Variants in SH3KBP1 observed in about 807,000 individuals in gnomAD.
The protein encoded by SH3KBP1 is SH3 domain-containing kinase-binding protein 1.
In SH3KBP1, 8 loss-of-function variants were observed where a neutral mutation model predicts 50.1. The observed-to-expected ratio is 0.16, with a 90% CI of 0.09 to 0.29. The LOEUF (loss-of-function observed/expected upper bound fraction) is 0.29, where lower values mean the gene tolerates loss of function less well. SH3KBP1 is among the 10% of genes least tolerant of loss of function. SH3KBP1 has a pLI of 1.00. For synonymous variants in SH3KBP1, 227 were observed against 218.6 expected, an observed-to-expected ratio of 1.04 and a Z score of -0.34; for missense variants, 377 against 535.2, an observed-to-expected ratio of 0.70 and a Z score of 2.92.
intron 3 of SH3KBP1, among the ~76,000 whole-genome samples, chrX:19,712,207 AAAG>A (rs1179277273): frequency 8.9e-6 from 1 of 112,394 alleles, no homozygotes; most frequent in Non-Finnish European, 1.9e-5. Flanking sequence ...AGCCTACGGC[AAAG>A]AAGATACAAA....
chrX:19,586,681 C>G (rs1350178873), intron 12 of SH3KBP1, among the ~76,000 whole-genome samples: 1 of 111,428 alleles, frequency 9.0e-6, no homozygotes, highest in Non-Finnish European at 1.9e-5. Context: ...AATTGTTGGA[C>G]TGGACCTTGG....
At chrX:19,772,441 A>G (rs1480175180) in intron 2 of SH3KBP1, among the ~76,000 whole-genome samples, 1 of 111,462 alleles carries the variant, frequency 9.0e-6, no homozygotes, top group Non-Finnish European at 1.9e-5. Context: ...GCAATCAGAA[A>G]AAAATAAGGC....
At chrX:19,738,455 C>T (rs1023513286) in intron 3 of SH3KBP1, among the ~76,000 whole-genome samples, 10 of 109,939 alleles carry the variant, frequency 9.1e-5, no homozygotes, top group Non-Finnish European at 1.9e-4. Flanking sequence ...CTCATACAAA[C>T]GTGGGCACAC....
chrX:19,676,388 C>T (rs1040653412), intron 6 of SH3KBP1, among the ~76,000 whole-genome samples: 3 of 110,866 alleles, frequency 2.7e-5, no homozygotes, highest in South Asian at 3.8e-4. Flanking sequence ...ATGGTTAATG[C>T]GTACATAAAA....
At chrX:19,651,353 A>C (rs995347853) in intron 6 of SH3KBP1, among the ~76,000 whole-genome samples, 2 of 111,321 alleles carry the variant, frequency 1.8e-5, no homozygotes, top group Non-Finnish European at 3.8e-5. Flanking sequence ...ATACAACGCA[A>C]AATTCTAAAA....
chrX:19,567,518 C>CAAAAAAAAAAAAAA (rs869158450), intron 13 of SH3KBP1, among the ~76,000 whole-genome samples: 1 of 7,272 alleles, frequency 1.4e-4, no homozygotes, highest in Non-Finnish European at 2.2e-4. Context: ...GACTCCATCT[C>CAAAAAAAAAAAAAA]AAAAAAAAAA....
chrX:19,863,999 C>T (rs1460933904), intron 1 of SH3KBP1, among the ~76,000 whole-genome samples: 1 of 111,029 alleles, frequency 9.0e-6, no homozygotes, highest in East Asian at 2.8e-4. Flanking sequence ...ATTCCTCGCT[C>T]GCTGGCCAGC....
intron 12 of SH3KBP1, among the ~76,000 whole-genome samples, chrX:19,573,816 A>T (rs963658130): frequency 3.6e-5 from 4 of 111,168 alleles, no homozygotes; most frequent in Non-Finnish European, 5.7e-5. Context: ...AGACTTAAAA[A>T]TCCAGGCCAG....
At chrX:19,601,811 G>C (rs186653146) in intron 9 of SH3KBP1, among the ~76,000 whole-genome samples, 1 of 111,180 alleles carries the variant, frequency 9.0e-6, no homozygotes, top group East Asian at 2.9e-4. Context: ...TGATGACAGT[G>C]TCTTAAACTG....
intron 3 of SH3KBP1, among the ~76,000 whole-genome samples, chrX:19,708,866 C>T (rs2063714907): frequency 8.9e-6 from 1 of 111,899 alleles, no homozygotes; most frequent in Non-Finnish European, 1.9e-5. Flanking sequence ...CCAACACTCA[C>T]AACCACAGAA....
intron 1 of SH3KBP1, among the ~76,000 whole-genome samples, chrX:19,837,264 A>G (rs1308133364): frequency 1.8e-5 from 2 of 111,387 alleles, no homozygotes; most frequent in Non-Finnish European, 3.8e-5. Flanking sequence ...TCCATGTTAC[A>G]TTGTTTTCCT....
intron 12 of SH3KBP1, among the ~76,000 whole-genome samples, chrX:19,580,513 G>C (rs372094743): frequency 9.0e-6 from 1 of 111,561 alleles, no homozygotes; most frequent in African/African-American, 3.3e-5. Flanking sequence ...CCTGGCTCTC[G>C]AGATGGCAGT....
At chrX:19,841,478 T>G (rs1002146555) in intron 1 of SH3KBP1, among the ~76,000 whole-genome samples, 2 of 112,687 alleles carry the variant, frequency 1.8e-5, no homozygotes, top group Non-Finnish European at 3.7e-5. Flanking sequence ...GCAGTAAGCT[T>G]TAATCATTTC....
intron 15 of SH3KBP1, among the ~76,000 whole-genome samples, chrX:19,542,407 CCTT>C (rs1327592234): frequency 1.8e-5 from 2 of 112,090 alleles, no homozygotes; most frequent in Admixed American, 1.9e-4. Context: ...TTAAATGTGA[CCTT>C]CTTTCTGGAC....
chrX:19,861,355 C>T (rs376468444), intron 1 of SH3KBP1, among the ~76,000 whole-genome samples: 43 of 108,418 alleles, frequency 4.0e-4, no homozygotes, highest in African/African-American at 1.3e-3. Context: ...CCAGCCTGGG[C>T]GACAGAGCAA....
At chrX:19,739,014 G>GAAAAA (rs1167676836) in intron 3 of SH3KBP1, among the ~76,000 whole-genome samples, 1 of 22,440 alleles carries the variant, frequency 4.5e-5, no homozygotes. Context: ...CTGCCTCCAA[G>GAAAAA]AAAAAAAAAA....
chrX:19,765,413 C>T (rs2065574158), intron 2 of SH3KBP1, among the ~76,000 whole-genome samples: 1 of 110,854 alleles, frequency 9.0e-6, no homozygotes, highest in African/African-American at 3.3e-5. Flanking sequence ...TAGGGGTTAC[C>T]TGCATTCCTT....
At chrX:19,834,383 G>T in intron 2 of SH3KBP1, among the ~76,000 whole-genome samples, 1 of 112,011 alleles carries the variant, frequency 8.9e-6, no homozygotes, top group Non-Finnish European at 1.9e-5. Context: ...ACTACAGCAG[G>T]GGACCTGGGG....
chrX:19,553,290 T>C (rs2065295108), intron 13 of SH3KBP1, among the ~76,000 whole-genome samples: 1 of 111,373 alleles, frequency 9.0e-6, no homozygotes, highest in Admixed American at 9.5e-5. Context: ...GATTCCATCT[T>C]TGCCATCCCC....
Sources: allele counts gnomAD v4.1 joint callset (sites outside exome capture counted in the v4.1 genomes callset), GRCh38; gene constraint gnomAD v4.1.1; transcripts MANE v1.5; gene names NCBI Gene and HGNC (gene_info 2026-07-23, HGNC 2026-07-21).